GREB1: variants seen among roughly 807,000 people sequenced by gnomAD.
GREB1 encodes growth regulating estrogen receptor binding 1, also known as protein GREB1.
In GREB1, 106 loss-of-function variants were observed where a neutral mutation model predicts 200.7. That is an observed-to-expected ratio of 0.53 (90% confidence interval 0.45 to 0.62). The LOEUF is 0.62. GREB1 is among the 20% of genes least tolerant of loss of function. GREB1 has a pLI of 0.00. For synonymous variants in GREB1, 1,132 were observed against 1,092.4 expected (o/e 1.04, Z -0.72); for missense variants, 2,243 against 2,556.8 (o/e 0.88, Z 2.65).
chr2:11,504,502 C>T (rs945152261), intron 1 of GREB1, among the ~76,000 whole-genome samples: 1 of 152,186 alleles, frequency 6.6e-6, no homozygotes, highest in African/African-American at 2.4e-5. Context: ...ATTTCCACTA[C>T]CCAAAAAGAA....
At chr2:11,535,876 C>A (rs562318182) in intron 1 of GREB1, among the ~76,000 whole-genome samples, 3 of 152,296 alleles carry the variant, frequency 2.0e-5, no homozygotes, top group East Asian at 3.9e-4. Context: ...ATATGGATGT[C>A]GGAATTGTTC....
intron 3 of GREB1, among the ~76,000 whole-genome samples, chr2:11,566,166 G>A (rs904206039): frequency 6.6e-6 from 1 of 152,060 alleles, no homozygotes; most frequent in Non-Finnish European, 1.5e-5. Flanking sequence ...TTGCAGGTGT[G>A]TGCCACTACG....
chr2:11,606,758 C>CATT (rs3035992), intron 17 of GREB1, among the ~76,000 whole-genome samples: 20,785 of 143,024 alleles, frequency 0.15, 2,202 homozygotes, highest in African/African-American at 0.3. Flanking sequence ...ATTTTAGTTT[C>CATT]ATTATTATTA....
chr2:11,544,574 T>C (rs1324947787), intron 1 of GREB1, among the ~76,000 whole-genome samples: 1 of 152,050 alleles, frequency 6.6e-6, no homozygotes, highest in Non-Finnish European at 1.5e-5. Flanking sequence ...TGTTCTATTC[T>C]AAGGAGGGAA....
At chr2:11,532,135 T>C (rs1674096130), upstream of GREB1, among the ~76,000 whole-genome samples, 1 of 152,206 alleles carries the variant, frequency 6.6e-6, no homozygotes, top group Non-Finnish European at 1.5e-5. Context: ...CATTTATTCC[T>C]GAAGAGTTTA....
At chr2:11,591,582 A>T (rs1308435061) in intron 10 of GREB1, 1 of 641,476 alleles carries the variant, frequency 1.6e-6, no homozygotes, top group African/African-American at 1.8e-5. Context: ...AGGTGCGGTA[A>T]AACCAGCGCT....
intron 9 of GREB1, chr2:11,587,612 A>G (rs1230699579): frequency 1.7e-5 from 25 of 1,456,206 alleles, no homozygotes; most frequent in South Asian, 1.7e-4. Flanking sequence ...CCCCGAGCCC[A>G]GCAGGACATC....
intron 1 of GREB1, among the ~76,000 whole-genome samples, chr2:11,538,748 T>TTTCCTTCCTTTC (rs1367202190): frequency 0.011 from 917 of 79,840 alleles, 149 homozygotes; most frequent in African/African-American, 0.047. Flanking sequence ...CCCTTCCTTC[T>TTTCCTTCCTTTC]TTCCTTCCTT....
chr2:11,581,018 C>A, intron 7 of GREB1, 186 bp downstream of exon 7: 1 of 737,016 alleles, frequency 1.4e-6, no homozygotes, highest in South Asian at 1.5e-5. Context: ...CCCTGGTGCT[C>A]TATGAGTGAC....
At position 11,492,722 on chromosome 2, in the gene GREB1, A is replaced by G. The variant is rs1056844333; in HGVS notation, c.-159+10341A>G. Among the ~76,000 whole-genome samples the G allele has an allele frequency of 6.6e-6, 1 of 152,222 alleles. No homozygotes were observed. Among genetic ancestry groups the G allele is most frequent in the Admixed American group, 6.5e-5 (1 of 15,288 alleles). ...CAGTCTTTCATCTGGACTGTGCCCTAGGGCAGCCCCCTTGAGACTCACACT... is the reference window on the plus strand; with the variant it reads ...CAGTCTTTCATCTGGACTGTGCCCTGGGGCAGCCCCCTTGAGACTCACACT... On this transcript the variant is annotated intron_variant, in intron 1 of 2. Coordinates refer to the GREB1 transcript ENST00000628795. This position sits in a 1 kb window ranked among gnomAD's most constrained non-coding sequence, Gnocchi z 4.0.
At chr2:11,521,760 C>T (rs933069017) in intron 1 of GREB1, among the ~76,000 whole-genome samples, 1 of 152,208 alleles carries the variant, frequency 6.6e-6, no homozygotes, top group African/African-American at 2.4e-5. Context: ...ATGCTAATAA[C>T]GCAAACCATT....
intron 1 of GREB1, among the ~76,000 whole-genome samples, chr2:11,501,840 T>C (rs552979603): frequency 1.3e-5 from 2 of 151,258 alleles, no homozygotes; most frequent in South Asian, 2.1e-4. Flanking sequence ...AGAGTTCCCT[T>C]TTTATTTATG....
Position 11,637,904 on chromosome 2 carries a change from C to A in GREB1, c.5535C>A (p.Asn1845Lys), listed in dbSNP as rs1160229870. ...HPVLSVDCYL[N>K]LGSQISVCYV... ...TGCTGTCTGTCGACTGTTACCTGAA[C>A]CTGGGATCTCAGGTGACTTTCAGAG... The change falls in exon 31 of 33, where the codon AAC (asparagine) becomes AAA (lysine). Residue 1845 changes from asparagine to lysine, a missense_variant. Asn to Lys is a moderately conservative substitution (Grantham distance 94, BLOSUM62 0). Around this residue, in one of 3 missense-constraint regions of GREB1, gnomAD observed 478 missense variants for 616.3 expected, o/e 0.78. Transcript: ENST00000381486. 6.2e-7 allele frequency: 1 copy of A among 1,613,472 alleles called. No homozygotes were observed. The highest frequency in any genetic ancestry group is 1.3e-5 in the African/African-American group (1 of 75,024).
intron 1 of GREB1, among the ~76,000 whole-genome samples, chr2:11,510,403 G>A (rs137898309): frequency 5.8e-4 from 88 of 152,152 alleles, no homozygotes; most frequent in Non-Finnish European, 1.5e-4. Context: ...AGCCACAATT[G>A]CCAGTCACTG....
At position 11,636,761 on chromosome 2, in the gene GREB1, A is replaced by G. The variant is rs74173221; in HGVS notation, c.5347-955A>G. Reference sequence around the variant, plus strand: ...AAGGGCATGGGCATGGGCAGGGGCAAGGGCAGGGGCAGGGGCAGGGGCACG... The same window carrying G: ...AAGGGCATGGGCATGGGCAGGGGCAGGGGCAGGGGCAGGGGCAGGGGCACG... On this transcript the variant is annotated intron_variant, in intron 30 of 32. Transcript: ENST00000381486. 3.6e-3 allele frequency among the ~76,000 whole-genome samples: 447 copies of G among 124,068 alleles called. 1 individual carries two copies. The highest frequency in any genetic ancestry group is 0.011 in the African/African-American group (362 of 32,900). 81.4% of individuals were successfully genotyped at this position (124,068 alleles called of 152,430 possible). A position where few individuals can be genotyped will look rare whatever the true frequency, so the allele number is the denominator to read the frequency against.
At chr2:11,632,216 A>C (rs1339143546) in intron 27 of GREB1, 103 bp downstream of exon 27, 15 of 771,686 alleles carry the variant, frequency 1.9e-5, no homozygotes, top group Non-Finnish European at 3.2e-5. Context: ...CAGGCCTTTT[A>C]CTTTTGGACT....
Position 11,625,469 on chromosome 2 carries a change from G to A in GREB1, c.4306+157G>A, listed in dbSNP as rs572506719. ...GGTCACCACCTCCCTGTATAAGGAA[G>A]GGAGGAATGCAAAACCTGTGAATTG... On this transcript the variant is annotated intron_variant, in intron 24 of 32. Coordinates refer to ENST00000381486, the MANE Select transcript of GREB1 (RefSeq NM_014668.4). Among the ~76,000 whole-genome samples the A allele has an allele frequency of 2.0e-5, 3 of 152,352 alleles. No homozygotes were observed. The East Asian group carries it at 5.8e-4, about 29-fold the overall frequency.
At chr2:11,486,156 G>A (rs1226828948) in intron 1 of GREB1, among the ~76,000 whole-genome samples, 1 of 152,134 alleles carries the variant, frequency 6.6e-6, no homozygotes, top group Non-Finnish European at 1.5e-5. Context: ...TAGAACTCTG[G>A]GCTAGCTATT....
chr2:11,567,118 C>T (rs1244288927), intron 4 of GREB1, among the ~76,000 whole-genome samples: 1 of 152,044 alleles, frequency 6.6e-6, no homozygotes, highest in African/African-American at 2.4e-5. Context: ...TGTTTGTTTG[C>T]TTGTTTGTTT....
Sources: allele counts gnomAD v4.1 joint callset (sites outside exome capture counted in the v4.1 genomes callset), GRCh38; gene constraint gnomAD v4.1.1; regional missense constraint gnomAD v4.1.1; non-coding constraint Gnocchi (gnomAD v3.1); transcripts MANE v1.5; gene names NCBI Gene and HGNC (gene_info 2026-07-23, HGNC 2026-07-21).